Variants in PXDNL observed in about 807,000 individuals in gnomAD.
The protein encoded by PXDNL is probable oxidoreductase PXDNL.
PXDNL carries 145 observed loss-of-function variants against 150.8 expected under a neutral mutation model. The observed-to-expected ratio is 0.96, with a 90% confidence interval of 0.84 to 1.10. The LOEUF is 1.10. Among genes scored for constraint, PXDNL ranks in the 50% least tolerant of loss-of-function variants. The pLI, the probability that PXDNL is intolerant of heterozygous loss-of-function variation, is 0.00. For synonymous variants in PXDNL, 757 were observed against 725.7 expected, an observed-to-expected ratio of 1.04 and a Z score of -0.69; for missense variants, 2,087 against 1,873.9, an observed-to-expected ratio of 1.11 and a Z score of -2.10.
chr8:51,471,812 G>A (rs1367009516), intron 8 of PXDNL, among the ~76,000 whole-genome samples: 5 of 151,410 alleles, frequency 3.3e-5, no homozygotes, highest in African/African-American at 9.7e-5. Context: ...TCAGCCTCCC[G>A]AGTAGCTGGG....
chr8:51,628,698 C>T (rs1177760793), intron 2 of PXDNL, among the ~76,000 whole-genome samples: 2 of 151,932 alleles, frequency 1.3e-5, no homozygotes, highest in African/African-American at 2.4e-5. Flanking sequence ...CCACCACACC[C>T]GGCCTCTGTT....
At chr8:51,637,099 C>A (rs1166877007) in intron 2 of PXDNL, among the ~76,000 whole-genome samples, 2 of 152,162 alleles carry the variant, frequency 1.3e-5, no homozygotes, top group Non-Finnish European at 2.9e-5. Context: ...AGTGGACCTC[C>A]AGGAAACTCC....
intron 19 of PXDNL, among the ~76,000 whole-genome samples, chr8:51,367,292 A>C (rs1806952786): frequency 6.6e-6 from 1 of 152,076 alleles, no homozygotes; most frequent in Non-Finnish European, 1.5e-5. Flanking sequence ...CACACAATGC[A>C]CACAGCCAAT....
intron 3 of PXDNL, among the ~76,000 whole-genome samples, chr8:51,559,491 G>C (rs4574836): frequency 6.6e-6 from 1 of 151,596 alleles, no homozygotes; most frequent in African/African-American, 2.4e-5. Context: ...ACAGTTCAAC[G>C]AAAGAAGAAA....
At chr8:51,364,074 C>T (rs1806837063) in intron 19 of PXDNL, among the ~76,000 whole-genome samples, 1 of 152,182 alleles carries the variant, frequency 6.6e-6, no homozygotes, top group Non-Finnish European at 1.5e-5. Context: ...ATTGAAAGGA[C>T]TATCCCCCTA....
chr8:51,784,274 T>C (rs2037440856), intron 1 of PXDNL, among the ~76,000 whole-genome samples: 1 of 152,246 alleles, frequency 6.6e-6, no homozygotes, highest in Admixed American at 6.5e-5. Flanking sequence ...GTGTGAAAGA[T>C]CCCTGTAAAA....
intron 1 of PXDNL, among the ~76,000 whole-genome samples, chr8:51,704,655 CTT>C (rs1459530968): frequency 6.6e-6 from 1 of 152,164 alleles, no homozygotes; most frequent in East Asian, 1.9e-4. Flanking sequence ...GGTACTCAAA[CTT>C]TAATTTTAGC....
intron 2 of PXDNL, among the ~76,000 whole-genome samples, chr8:51,595,941 G>C (rs950830471): frequency 6.6e-6 from 1 of 152,140 alleles, no homozygotes; most frequent in Admixed American, 6.5e-5. Flanking sequence ...CACATGTGCA[G>C]ATATGTTACC....
At chr8:51,509,771 C>CAG (rs1563444242) in intron 4 of PXDNL, among the ~76,000 whole-genome samples, 4 of 143,892 alleles carry the variant, frequency 2.8e-5, no homozygotes, top group African/African-American at 1.0e-4. Context: ...CACACACACA[C>CAG]ACAAATATAT....
At chr8:51,528,400 T>A (rs1563451052) in intron 4 of PXDNL, among the ~76,000 whole-genome samples, 1 of 152,256 alleles carries the variant, frequency 6.6e-6, no homozygotes, top group Non-Finnish European at 1.5e-5. Flanking sequence ...TTTATATGAA[T>A]TATAAATGTT....
chr8:51,723,623 T>C (rs12156370), intron 1 of PXDNL, among the ~76,000 whole-genome samples: 148,053 of 152,296 alleles, frequency 0.97, 72,102 homozygotes, highest in East Asian at 1. Context: ...GGCTCCACTG[T>C]GACAGCAGTT....
chr8:51,579,441 A>T (rs545250234), intron 3 of PXDNL, among the ~76,000 whole-genome samples: 1 of 152,172 alleles, frequency 6.6e-6, no homozygotes, highest in South Asian at 2.1e-4. Context: ...AAAAATAGTG[A>T]CAATGCAAAA....
At chr8:51,585,303 G>C (rs535677173) in intron 3 of PXDNL, among the ~76,000 whole-genome samples, 7 of 152,196 alleles carry the variant, frequency 4.6e-5, no homozygotes, top group Admixed American at 1.3e-4. Flanking sequence ...TAAAGATTTG[G>C]GAGCCAGGAG....
chr8:51,784,389 A>G (rs1440985336), intron 1 of PXDNL, among the ~76,000 whole-genome samples: 1 of 152,260 alleles, frequency 6.6e-6, no homozygotes, highest in African/African-American at 2.4e-5. Context: ...CAGATCAATC[A>G]GCATAATACA....
chr8:51,326,058 G>A (rs1246124585), intron 21 of PXDNL, among the ~76,000 whole-genome samples: 1 of 152,152 alleles, frequency 6.6e-6, no homozygotes, highest in Non-Finnish European at 1.5e-5. Flanking sequence ...CCTGAGCTAC[G>A]TGAGGAAAAA....
intron 12 of PXDNL, among the ~76,000 whole-genome samples, chr8:51,435,366 T>G (rs967467088): frequency 2.0e-4 from 6 of 29,324 alleles, no homozygotes; most frequent in African/African-American, 3.2e-4. Flanking sequence ...TTTGTTTGCT[T>G]GTTTTTGTTT....
At chr8:51,541,580 C>T (rs7840129) in intron 4 of PXDNL, among the ~76,000 whole-genome samples, 31,818 of 152,000 alleles carry the variant, frequency 0.21, 3,600 homozygotes, top group Admixed American at 0.3. Flanking sequence ...GATCATTGTC[C>T]GGCCAAAGAT....
At chr8:51,376,016 G>A (rs952296325) in intron 17 of PXDNL, among the ~76,000 whole-genome samples, 2 of 152,224 alleles carry the variant, frequency 1.3e-5, no homozygotes, top group Non-Finnish European at 2.9e-5. Context: ...TTGTGCAAGA[G>A]CTAGAATTCT....
intron 4 of PXDNL, among the ~76,000 whole-genome samples, chr8:51,505,465 A>G (rs1260126655): frequency 6.6e-6 from 1 of 152,170 alleles, no homozygotes; most frequent in Non-Finnish European, 1.5e-5. Flanking sequence ...AAAACACTAT[A>G]TTTATCTGTA....
Sources: allele counts gnomAD v4.1 joint callset (sites outside exome capture counted in the v4.1 genomes callset), GRCh38; gene constraint gnomAD v4.1.1; transcripts MANE v1.5; gene names NCBI Gene and HGNC (gene_info 2026-07-23, HGNC 2026-07-21).